The following CACNA1E variants were observed in gnomAD, a reference collection of about 807,000 sequenced individuals.
CACNA1E encodes calcium voltage-gated channel subunit alpha1 E.
Under a neutral mutation model 259.2 loss-of-function variants are expected in CACNA1E, and 40 were observed. That is an observed-to-expected ratio of 0.15 (90% CI 0.12 to 0.20). The LOEUF (loss-of-function observed/expected upper bound fraction) is 0.20. CACNA1E is among the 10% of genes least tolerant of loss of function. The probability of loss-of-function intolerance (pLI) is 1.00; values close to 1 mark genes in which losing one functional copy is unlikely to be tolerated. For missense variants in CACNA1E, 1,874 were observed against 3,040.1 expected (o/e 0.62, Z 9.02); for synonymous variants, 1,104 against 1,138.5 (o/e 0.97, Z 0.61).
chr1:181,739,123 G>A (rs1428604615), intron 24 of CACNA1E, 24 bp from the exon 25 acceptor site: 1 of 1,423,992 alleles, frequency 7.0e-7, no homozygotes, highest in Non-Finnish European at 9.9e-7. Context: ...TTGGCTCACT[G>A]TGGCTGTTCA....
At chr1:181,628,757 C>T (rs1171236696) in intron 6 of CACNA1E, among the ~76,000 whole-genome samples, 1 of 152,192 alleles carries the variant, frequency 6.6e-6, no homozygotes, top group African/African-American at 2.4e-5. Context: ...TGTCAATCAG[C>T]TTTTTGTAAA....
At chr1:181,602,493 T>G (rs1311156135) in intron 6 of CACNA1E, among the ~76,000 whole-genome samples, 1 of 152,192 alleles carries the variant, frequency 6.6e-6, no homozygotes, top group Non-Finnish European at 1.5e-5. Flanking sequence ...TTTGAAAGAT[T>G]TCAGATTTCA....
chr1:181,494,468 G>A (rs1664581571), intron 1 of CACNA1E, among the ~76,000 whole-genome samples: 1 of 151,846 alleles, frequency 6.6e-6, no homozygotes, highest in South Asian at 2.1e-4. Flanking sequence ...CTAGATTCAG[G>A]ACTCTATGTT....
intron 3 of CACNA1E, 116 bp downstream of exon 3, chr1:181,511,626 A>T: frequency 8.3e-7 from 1 of 1,211,242 alleles, no homozygotes; most frequent in Non-Finnish European, 1.2e-6. Flanking sequence ...GTAGGGGCAG[A>T]AGAAAAAGTT....
chr1:181,643,989 G>C (rs574037928), intron 6 of CACNA1E, among the ~76,000 whole-genome samples: 2 of 152,180 alleles, frequency 1.3e-5, no homozygotes, highest in South Asian at 2.1e-4. Context: ...CCTGCTCCTG[G>C]GCCTGACAGG....
intron 34 of CACNA1E, among the ~76,000 whole-genome samples, 187 bp downstream of exon 34, chr1:181,763,718 A>G (rs1004041109): frequency 2.6e-5 from 4 of 152,210 alleles, no homozygotes; most frequent in African/African-American, 9.6e-5. Context: ...GACTGGGATC[A>G]GCTTATGTCT....
intron 8 of CACNA1E, among the ~76,000 whole-genome samples, chr1:181,712,565 G>C (rs1653479941): frequency 1.3e-5 from 2 of 152,168 alleles, no homozygotes; most frequent in South Asian, 4.1e-4. Context: ...CTGTATGATT[G>C]CGATCTGCAC....
At chr1:181,436,890 T>C (rs1299552213) in intron 2 of CACNA1E, among the ~76,000 whole-genome samples, 2 of 152,154 alleles carry the variant, frequency 1.3e-5, no homozygotes, top group Non-Finnish European at 2.9e-5. Flanking sequence ...GTATATGAGG[T>C]GATGGATATG....
intron 1 of CACNA1E, among the ~76,000 whole-genome samples, chr1:181,321,089 C>T (rs1333248852): frequency 6.6e-6 from 1 of 152,068 alleles, no homozygotes; most frequent in Non-Finnish European, 1.5e-5. Flanking sequence ...GAGGGAGGCT[C>T]TTTCTAACAA....
chr1:181,522,615 G>GT (rs1667071973), intron 3 of CACNA1E, among the ~76,000 whole-genome samples: 1 of 152,170 alleles, frequency 6.6e-6, no homozygotes, highest in Admixed American at 6.5e-5. Flanking sequence ...AATAACCACT[G>GT]TAAATATAAC....
chr1:181,507,041 A>G (rs1665771399), intron 1 of CACNA1E, among the ~76,000 whole-genome samples: 1 of 149,474 alleles, frequency 6.7e-6, no homozygotes, highest in Non-Finnish European at 1.5e-5. Context: ...ACAATTTTAA[A>G]AATGTAAAGC....
Position 181,483,968 on chromosome 1 carries a change from A to G in CACNA1E, c.224A>G (p.Asp75Gly). The G allele has an allele frequency of 1.2e-6, 2 of 1,613,820 alleles. No individual in the cohort carries two copies. Among genetic ancestry groups the G allele is most frequent in the Non-Finnish European group, 1.7e-6 (2 of 1,179,784 alleles). The stretch of plus-strand genomic sequence containing the variant: ...AGATCCCTGTTCATCTTCGGAGAAG[A>G]TAACATTGTCAGGAAATATGCCAAG... The part of the protein sequence containing the change: ...VNRSLFIFGE[D>G]NIVRKYAKKL... The change falls in exon 1 of 48, where the codon GAT becomes GGT. Residue 75 changes from aspartate to glycine, a missense_variant. Transcript: ENST00000367573.
At chr1:181,688,444 G>T (rs1650803784) in intron 7 of CACNA1E, among the ~76,000 whole-genome samples, 1 of 152,098 alleles carries the variant, frequency 6.6e-6, no homozygotes, top group African/African-American at 2.4e-5. Context: ...TGAAGATTCT[G>T]GAAATTTTCT....
At chr1:181,645,308 A>G (rs1411341385) in intron 6 of CACNA1E, among the ~76,000 whole-genome samples, 1 of 152,168 alleles carries the variant, frequency 6.6e-6, no homozygotes, top group Non-Finnish European at 1.5e-5. Flanking sequence ...CCAGTGATAT[A>G]TATTTTGACA....
chr1:181,352,201 A>T (rs1304710789), intron 1 of CACNA1E, among the ~76,000 whole-genome samples: 1 of 152,088 alleles, frequency 6.6e-6, no homozygotes, highest in African/African-American at 2.4e-5. Context: ...GAGGGATGAG[A>T]AGTTTGGGGT....
In CACNA1E at chr1:181,798,430, G is replaced by A. The variant is rs536927410; in HGVS notation, c.6538G>A (p.Gly2180Ser). Residue 2180 changes from glycine (G) to serine (S), a missense_variant, in exon 48 of 48, where the codon GGC (glycine) becomes AGC (serine). Gly to Ser is a moderately conservative substitution (Grantham distance 56). This residue lies in a region of CACNA1E where 542 missense variants were observed against 587.2 expected (regional missense o/e 0.92). Transcript: ENST00000367573. This position sits in a 1 kb window ranked among gnomAD's most constrained non-coding sequence, Gnocchi z 4.2. ...CTACAGCTCCCTGATTCGACACGCG[G>A]GCAGCATCTCTCCACCTGCTGATGG... is the stretch of plus-strand genomic sequence containing the variant. ...LSYSSLIRHA[G>S]SISPPADGSE... is the part of the protein sequence containing the mutation. 1 of 1,613,720 alleles carries A rather than the reference G, an allele frequency of 6.2e-7. No homozygotes were observed. The highest frequency in any genetic ancestry group is 1.3e-5 in the African/African-American group (1 of 75,016).
chr1:181,392,433 A>G (rs941553336), intron 1 of CACNA1E, among the ~76,000 whole-genome samples: 1 of 152,076 alleles, frequency 6.6e-6, no homozygotes. Context: ...TGCTTTTACT[A>G]CTTGGTAAGA....
chr1:181,686,275 G>GTTTTTTTTTT (rs66526388), intron 7 of CACNA1E, among the ~76,000 whole-genome samples: 1 of 58,634 alleles, frequency 1.7e-5, no homozygotes, highest in African/African-American at 6.2e-5. Flanking sequence ...TAAGAACCAA[G>GTTTTTTTTTT]TTTTTTTTTT....
Position 181,732,918 on chromosome 1 carries a change from G to A in CACNA1E, c.2832G>A (p.Gln944=). ...CCTCCCGGAGCAGGTCTGCCAGCCA[G>A]GAACGCAGTCTGGATGAAGCCATGC... The part of the protein sequence containing the change: ...SSASRSRSAS[Q]ERSLDEAMPT... The change falls in exon 20 of 48, where the codon CAG becomes CAA. Residue 944 remains glutamine (Q), a synonymous_variant. Transcript: ENST00000367573. This position sits in a 1 kb window ranked among gnomAD's most constrained non-coding sequence, Gnocchi z 5.5. 1 of 1,614,074 alleles carries A rather than the reference G, an allele frequency of 6.2e-7. No individual in the cohort carries two copies. Among genetic ancestry groups the A allele is most frequent in the African/African-American group, 1.3e-5 (1 of 75,066 alleles).
Sources: allele counts gnomAD v4.1 joint callset (sites outside exome capture counted in the v4.1 genomes callset), GRCh38; gene constraint gnomAD v4.1.1; regional missense constraint gnomAD v4.1.1; non-coding constraint Gnocchi (gnomAD v3.1); transcripts MANE v1.5; gene names NCBI Gene and HGNC (gene_info 2026-07-23, HGNC 2026-07-21).